The following CCDC73 variants were observed in gnomAD, a reference collection of about 807,000 sequenced individuals.
CCDC73 encodes coiled-coil domain-containing protein 73.
Under a neutral mutation model 116.5 loss-of-function variants are expected in CCDC73, and 95 were observed. That is an observed-to-expected ratio of 0.82 (90% CI 0.69 to 0.97). The LOEUF is 0.97. Ranked by LOEUF, CCDC73 falls within the 50% of genes least tolerant of loss-of-function variation. The pLI is 0.00. For missense variants in CCDC73, 1,066 were observed against 1,206.8 expected, an observed-to-expected ratio of 0.88 and a Z score of 1.73; for synonymous variants, 398 against 401.3, an observed-to-expected ratio of 0.99 and a Z score of 0.10.
rs558693312 is a variant in CCDC73 at position 32,793,772 on chromosome 11, G to A, written c.-16+841C>T. Among the ~76,000 whole-genome samples the A allele has an allele frequency of 4.5e-4, 68 of 151,880 alleles. No homozygotes were observed. The East Asian group carries it at 0.01, about 22-fold the overall frequency. On this transcript the variant is annotated intron_variant, in intron 1 of 17. Coordinates refer to ENST00000335185, the MANE Select transcript of CCDC73 (RefSeq NM_001008391.4). ...ACTACAGGTGCCCGCCACCACGCCC[G>A]GCTAATTTTTGTATTTTTAGTAGAG...
chr11:32,786,306 G>A (rs1221809706), intron 1 of CCDC73, among the ~76,000 whole-genome samples: 1 of 147,682 alleles, frequency 6.8e-6, no homozygotes, highest in Non-Finnish European at 1.5e-5. Context: ...TTTATTTATA[G>A]TAATTTATAA....
intron 2 of CCDC73, among the ~76,000 whole-genome samples, chr11:32,724,643 G>A (rs1463945191): frequency 6.6e-6 from 1 of 151,428 alleles, no homozygotes; most frequent in African/African-American, 2.5e-5. Context: ...TTCAATAATT[G>A]AAAAAGATGG....
At chr11:32,681,880 C>T (rs543435326) in intron 7 of CCDC73, 1 of 151,702 alleles carries the variant, frequency 6.6e-6, no homozygotes, top group Non-Finnish European at 1.5e-5. Flanking sequence ...AGGGGTACTT[C>T]TAACTTTTAA....
chr11:32,669,295 A>G (rs1172659411), intron 9 of CCDC73, among the ~76,000 whole-genome samples: 1 of 152,110 alleles, frequency 6.6e-6, no homozygotes, highest in Non-Finnish European at 1.5e-5. Flanking sequence ...TAACAAAAGG[A>G]AATCTTTTAT....
At chr11:32,685,301 T>C (rs1049624633) in intron 6 of CCDC73, among the ~76,000 whole-genome samples, 56 of 147,416 alleles carry the variant, frequency 3.8e-4, no homozygotes, top group Middle Eastern at 7.2e-3. Context: ...CTGCCCAGCT[T>C]AAATTCTGGG....
At chr11:32,764,823 T>C (rs1399548535) in intron 1 of CCDC73, among the ~76,000 whole-genome samples, 1 of 152,160 alleles carries the variant, frequency 6.6e-6, no homozygotes, top group Non-Finnish European at 1.5e-5. Context: ...ACTGGCAAGT[T>C]GGATAAAGGG....
At chr11:32,628,902 A>C (rs1262026903) in intron 14 of CCDC73, among the ~76,000 whole-genome samples, 1 of 152,246 alleles carries the variant, frequency 6.6e-6, no homozygotes, top group Non-Finnish European at 1.5e-5. Context: ...CAGCTATTAC[A>C]AATGTTCAAG....
intron 14 of CCDC73, among the ~76,000 whole-genome samples, chr11:32,629,836 T>A (rs1855613306): frequency 7.0e-6 from 1 of 143,646 alleles, no homozygotes; most frequent in Admixed American, 7.1e-5. Context: ...GAATTTTATA[T>A]CCAGTGAAAA....
the CCDC73 span, among the ~76,000 whole-genome samples, chr11:32,818,823 T>C: frequency 6.6e-6 from 1 of 152,206 alleles, no homozygotes; most frequent in African/African-American, 2.4e-5. Context: ...AGACTACGTA[T>C]TGTATGATTC....
At chr11:32,696,030 A>C (rs180771043) in intron 6 of CCDC73, among the ~76,000 whole-genome samples, 2 of 152,218 alleles carry the variant, frequency 1.3e-5, no homozygotes, top group African/African-American at 4.8e-5. Flanking sequence ...TGGATATGTG[A>C]GGTATGGTTA....
At chr11:32,674,656 AGCC>A (rs776741110) in intron 9 of CCDC73, among the ~76,000 whole-genome samples, 1 of 151,482 alleles carries the variant, frequency 6.6e-6, no homozygotes, top group African/African-American at 2.4e-5. Flanking sequence ...GGCTTTTCTC[AGCC>A]TATTGTAGGC....
chr11:32,606,748 A>G (rs1285811501), intron 17 of CCDC73, among the ~76,000 whole-genome samples: 1 of 151,752 alleles, frequency 6.6e-6, no homozygotes, highest in Non-Finnish European at 1.5e-5. Context: ...TCACTGTTTC[A>G]TCTGTAAAAA....
chr11:32,819,211 G>A, the CCDC73 span, among the ~76,000 whole-genome samples: 1 of 151,044 alleles, frequency 6.6e-6, no homozygotes. Context: ...TAAATGCAAA[G>A]AGGAAACATT....
intron 1 of CCDC73, among the ~76,000 whole-genome samples, chr11:32,786,444 ATAT>A (rs3858462): frequency 1.3e-4 from 15 of 117,974 alleles, no homozygotes; most frequent in African/African-American, 1.9e-4. Context: ...TATAATAAAT[ATAT>A]TATTTATATA....
intron 3 of CCDC73, among the ~76,000 whole-genome samples, chr11:32,713,121 C>T (rs546784969): frequency 1.2e-4 from 19 of 152,144 alleles, no homozygotes; most frequent in Non-Finnish European, 2.5e-4. Context: ...AAACTCCCCC[C>T]GGATTAAATT....
chr11:32,813,322 C>CT, the CCDC73 span, among the ~76,000 whole-genome samples: 2 of 151,392 alleles, frequency 1.3e-5, no homozygotes, highest in African/African-American at 2.4e-5. Context: ...CATGAAGTCT[C>CT]TTTTTTTTTC....
At chr11:32,826,887 G>A in the CCDC73 span, among the ~76,000 whole-genome samples, 1 of 152,078 alleles carries the variant, frequency 6.6e-6, no homozygotes, top group African/African-American at 2.4e-5. Context: ...TTGAGATGGA[G>A]TTTCACTCTT....
At chr11:32,688,891 A>T (rs1176909406) in intron 6 of CCDC73, among the ~76,000 whole-genome samples, 1 of 152,198 alleles carries the variant, frequency 6.6e-6, no homozygotes, top group African/African-American at 2.4e-5. Flanking sequence ...CAAAAATAAG[A>T]CAGAAAACCC....
chr11:32,613,038 T>C (rs1023857807), intron 16 of CCDC73, among the ~76,000 whole-genome samples: 6 of 152,190 alleles, frequency 3.9e-5, no homozygotes, highest in African/African-American at 1.2e-4. Flanking sequence ...TATGCCTCAT[T>C]ATTACTTATA....
Sources: allele counts gnomAD v4.1 joint callset (sites outside exome capture counted in the v4.1 genomes callset), GRCh38; gene constraint gnomAD v4.1.1; transcripts MANE v1.5; gene names NCBI Gene and HGNC (gene_info 2026-07-23, HGNC 2026-07-21).